The following SIGLECL1 variants were observed in gnomAD, a reference collection of about 807,000 sequenced individuals.
SIGLECL1 encodes SIGLEC family-like protein 1.
SIGLECL1 carries 16 observed loss-of-function variants against 19.1 expected under a neutral mutation model. The ratio of observed to expected loss-of-function variants is 0.84; its 90% CI spans 0.57 to 1.27. SIGLECL1 has a LOEUF of 1.27. Among genes scored for constraint, SIGLECL1 ranks in the 50% most tolerant of loss-of-function variants. SIGLECL1 has a pLI of 0.00. For missense variants in SIGLECL1, 210 were observed against 239.4 expected (o/e 0.88, Z 0.81); for synonymous variants, 89 against 90.4 (o/e 0.98, Z 0.09).
intron 4 of SIGLECL1, among the ~76,000 whole-genome samples, chr19:51,266,157 C>T (rs896173034): frequency 1.4e-4 from 21 of 152,104 alleles, no homozygotes; most frequent in Admixed American, 6.5e-5. Flanking sequence ...GCAGCGAGTC[C>T]CCGGGGTGCT....
upstream of SIGLECL1, among the ~76,000 whole-genome samples, chr19:51,248,453 A>G (rs528991419): frequency 1.1e-4 from 16 of 152,100 alleles, no homozygotes; most frequent in Admixed American, 2.0e-4. Flanking sequence ...TCTTCTACCC[A>G]TTAAACCTCC....
chr19:51,258,005 T>A (rs1982934673), intron 1 of SIGLECL1: 1 of 152,242 alleles, frequency 6.6e-6, no homozygotes, highest in Admixed American at 6.5e-5. Context: ...AACTAGAAGC[T>A]TTGTGTGGGG....
At chr19:51,250,419 C>G (rs1982417742), upstream of SIGLECL1, among the ~76,000 whole-genome samples, 1 of 152,152 alleles carries the variant, frequency 6.6e-6, no homozygotes, top group Non-Finnish European at 1.5e-5. Context: ...GTTTTATCAG[C>G]AAGGTCTTTA....
chr19:51,265,689 A>G, intron 3 of SIGLECL1, 40 bp downstream of exon 3: 1 of 1,611,780 alleles, frequency 6.2e-7, no homozygotes, highest in Non-Finnish European at 8.5e-7. Flanking sequence ...TGAGGACAAT[A>G]AGCGGGATGG....
intron 1 of SIGLECL1, among the ~76,000 whole-genome samples, chr19:51,259,080 A>G (rs548995458): frequency 1.3e-5 from 2 of 152,290 alleles, no homozygotes; most frequent in Non-Finnish European, 2.9e-5. Context: ...TATTAGTAGT[A>G]AAATAGTCAG....
At chr19:51,260,637 C>T (rs928354758) in intron 1 of SIGLECL1, among the ~76,000 whole-genome samples, 1 of 152,078 alleles carries the variant, frequency 6.6e-6, no homozygotes, top group Non-Finnish European at 1.5e-5. Flanking sequence ...GTATCTTCTG[C>T]TTTGATAAAT....
intron 1 of SIGLECL1, among the ~76,000 whole-genome samples, chr19:51,254,565 A>T (rs545045911): frequency 3.9e-4 from 60 of 152,334 alleles, no homozygotes; most frequent in African/African-American, 1.4e-3. Flanking sequence ...TCATTTATAT[A>T]CAATGTCCAG....
At chr19:51,249,063 T>C (rs575214000), upstream of SIGLECL1, among the ~76,000 whole-genome samples, 1 of 152,200 alleles carries the variant, frequency 6.6e-6, no homozygotes, top group South Asian at 2.1e-4. Flanking sequence ...CACAGTATGA[T>C]AAGGTTCCTA....
At chr19:51,253,504 C>G (rs1380706819) in intron 1 of SIGLECL1, among the ~76,000 whole-genome samples, 1 of 152,144 alleles carries the variant, frequency 6.6e-6, no homozygotes, top group Non-Finnish European at 1.5e-5. Flanking sequence ...AAACAAAATT[C>G]ATTTATGATT....
intron 1 of SIGLECL1, among the ~76,000 whole-genome samples, chr19:51,262,388 C>T (rs2123430602): frequency 6.6e-6 from 1 of 152,244 alleles, no homozygotes; most frequent in African/African-American, 2.4e-5. Flanking sequence ...TGTACCAAAT[C>T]TTAACAATTT....
At chr19:51,264,524 C>A (rs764128022) in intron 2 of SIGLECL1, 2 of 154,780 alleles carry the variant, frequency 1.3e-5, no homozygotes, top group Non-Finnish European at 2.9e-5. Context: ...GTGAAGAGAC[C>A]GAGATCAGGA....
Position 51,265,889 on chromosome 19 carries a change from A to G in SIGLECL1, c.410+7A>G. 6.2e-7 allele frequency: 1 copy of G among 1,613,794 alleles called. No homozygotes were observed. Among genetic ancestry groups the G allele is most frequent in the Non-Finnish European group, 8.5e-7 (1 of 1,179,734 alleles). On this transcript the variant is annotated splice_region_variant and intron_variant, in intron 4 of 5. Transcript: ENST00000601727. Reference sequence around the variant, plus strand: ...TCTGCCTCCTCCCTCTCATGTGAGTACTAGGGTTAATATTCACCCGCAAGC... The same window carrying G: ...TCTGCCTCCTCCCTCTCATGTGAGTGCTAGGGTTAATATTCACCCGCAAGC...
chr19:51,252,550 C>T (rs750089258), intron 1 of SIGLECL1, among the ~76,000 whole-genome samples: 16 of 151,888 alleles, frequency 1.1e-4, no homozygotes, highest in Admixed American at 3.3e-4. Flanking sequence ...AGGCTCATTC[C>T]GACCATCTAA....
intron 1 of SIGLECL1, among the ~76,000 whole-genome samples, chr19:51,254,704 G>A (rs1247487117): frequency 3.3e-5 from 5 of 150,992 alleles, no homozygotes; most frequent in Non-Finnish European, 7.4e-5. Context: ...TGATGAAAGT[G>A]CTCTGGAATT....
upstream of SIGLECL1, among the ~76,000 whole-genome samples, chr19:51,250,886 G>A (rs899717799): frequency 1.2e-4 from 18 of 152,210 alleles, no homozygotes; most frequent in African/African-American, 4.3e-4. Flanking sequence ...TGGGCACAAT[G>A]CTTCTGCTTC....
intron 1 of SIGLECL1, among the ~76,000 whole-genome samples, chr19:51,254,331 TAAA>T (rs763830054): frequency 5.4e-5 from 7 of 130,394 alleles, no homozygotes; most frequent in Non-Finnish European, 3.3e-5. Flanking sequence ...TCCATCTCTT[TAAA>T]AAAAAAAAAA....
intron 5 of SIGLECL1, 117 bp downstream of exon 5, chr19:51,267,646 A>C (rs1983780037): frequency 6.7e-6 from 8 of 1,189,080 alleles, no homozygotes; most frequent in Non-Finnish European, 9.5e-6. Flanking sequence ...CAGGATACCT[A>C]ATGCTAGAGT....
chr19:51,250,616 G>C (rs1982423775), upstream of SIGLECL1, among the ~76,000 whole-genome samples: 1 of 152,232 alleles, frequency 6.6e-6, no homozygotes. Flanking sequence ...GACGGATAAA[G>C]TGTGAGAAAA....
chr19:51,258,147 C>T (rs1014542749), intron 1 of SIGLECL1, among the ~76,000 whole-genome samples: 6 of 152,106 alleles, frequency 3.9e-5, no homozygotes, highest in African/African-American at 1.4e-4. Flanking sequence ...AATTACCAAA[C>T]CTAAGGGTAG....
Sources: allele counts gnomAD v4.1 joint callset (sites outside exome capture counted in the v4.1 genomes callset), GRCh38; gene constraint gnomAD v4.1.1; transcripts MANE v1.5; gene names NCBI Gene and HGNC (gene_info 2026-07-23, HGNC 2026-07-21).